CNTNAP5: variants seen among roughly 807,000 people sequenced by gnomAD.
CNTNAP5 encodes the protein contactin associated protein family member 5, also known as contactin-associated protein-like 5.
A neutral mutation model predicts 150.2 loss-of-function variants in CNTNAP5; 72 were observed. The ratio of observed to expected loss-of-function variants is 0.48; its 90% CI spans 0.40 to 0.58. CNTNAP5 has a LOEUF of 0.58. Among genes scored for constraint, CNTNAP5 ranks in the 20% least tolerant of loss-of-function variants. The probability of loss-of-function intolerance (pLI) is 0.00; values close to 1 mark genes in which losing one functional copy is unlikely to be tolerated. For synonymous variants in CNTNAP5, 672 were observed against 619.8 expected (o/e 1.08, Z -1.25); for missense variants, 1,636 against 1,626.2 (o/e 1.01, Z -0.10).
chr2:124,650,339 G>C (rs938411493), intron 13 of CNTNAP5, among the ~76,000 whole-genome samples: 1 of 152,186 alleles, frequency 6.6e-6, no homozygotes, highest in Admixed American at 6.5e-5. Flanking sequence ...TCCCGTAGAG[G>C]TGTGATTTAG....
At chr2:124,051,633 G>A (rs1283316306) in intron 1 of CNTNAP5, among the ~76,000 whole-genome samples, 1 of 152,194 alleles carries the variant, frequency 6.6e-6, no homozygotes, top group East Asian at 1.9e-4. Context: ...TGATGGTGGT[G>A]GTGGTGGGGG....
intron 1 of CNTNAP5, among the ~76,000 whole-genome samples, chr2:124,082,674 A>G (rs1291524649): frequency 6.6e-6 from 1 of 152,230 alleles, no homozygotes; most frequent in Non-Finnish European, 1.5e-5. Flanking sequence ...GTCAAGAAGT[A>G]CAATTGTTGG....
intron 22 of CNTNAP5, among the ~76,000 whole-genome samples, chr2:124,904,989 A>T (rs1228381198): frequency 6.7e-6 from 1 of 148,434 alleles, no homozygotes; most frequent in Non-Finnish European, 1.5e-5. Flanking sequence ...CATATGACTG[A>T]TGAAGGGTTA....
At position 124,630,949 on chromosome 2, in the gene CNTNAP5, A is replaced by C. The variant is rs1173554175; in HGVS notation, c.1877-16809A>C. ...CCAACAAAAGACAAGCAGAGAGTCA[A>C]ATCATGAATGAGCTCCCATTCACAA... is the stretch of plus-strand genomic sequence containing the variant. On this transcript the variant is annotated intron_variant, in intron 12 of 23. Transcript: ENST00000682447. Among the ~76,000 whole-genome samples the C allele has an allele frequency of 2.6e-5, 4 of 152,180 alleles. No individual in the cohort carries two copies. The East Asian group carries it at 5.8e-4, about 22-fold the overall frequency.
At position 124,082,076 on chromosome 2, in the gene CNTNAP5, G is replaced by A. The variant is rs926750747; in HGVS notation, c.82+56344G>A. ...TAAAAGGACTCACACAGGGCCAGGC[G>A]CAGTGGCTCATGCCTATAATCCCAG... is the stretch of plus-strand genomic sequence containing the variant. On this transcript the variant is annotated intron_variant, in intron 1 of 23. Transcript: ENST00000682447. Among the ~76,000 whole-genome samples, 4 of 152,208 alleles carry A rather than the reference G, an allele frequency of 2.6e-5. No individual in the cohort carries two copies. The East Asian group carries it at 5.8e-4, about 22-fold the overall frequency.
intron 10 of CNTNAP5, among the ~76,000 whole-genome samples, chr2:124,543,729 T>C (rs1464378949): frequency 3.3e-5 from 5 of 152,186 alleles, no homozygotes; most frequent in Non-Finnish European, 7.3e-5. Flanking sequence ...AACAACATTG[T>C]TATTCATTTG....
At chr2:124,622,999 AC>A (rs1677649968) in intron 12 of CNTNAP5, among the ~76,000 whole-genome samples, 1 of 152,194 alleles carries the variant, frequency 6.6e-6, no homozygotes, top group Non-Finnish European at 1.5e-5. Context: ...GCTAGTAAGT[AC>A]TAGAAACAGG....
chr2:124,479,389 T>C (rs926689951), intron 7 of CNTNAP5, among the ~76,000 whole-genome samples: 24 of 152,202 alleles, frequency 1.6e-4, no homozygotes, highest in African/African-American at 5.8e-4. Flanking sequence ...CATGATTCCC[T>C]GGGAGCTGGC....
intron 10 of CNTNAP5, among the ~76,000 whole-genome samples, chr2:124,559,948 A>AT (rs1421877141): frequency 2.0e-5 from 3 of 152,120 alleles, no homozygotes; most frequent in African/African-American, 4.8e-5. Flanking sequence ...GGAAAACTAG[A>AT]TTTTTCCTTG....
At chr2:124,660,468 T>A (rs2105044184) in intron 13 of CNTNAP5, among the ~76,000 whole-genome samples, 1 of 152,302 alleles carries the variant, frequency 6.6e-6, no homozygotes, top group African/African-American at 2.4e-5. Flanking sequence ...CAATTTAAAA[T>A]TTTCTAATAG....
chr2:124,089,671 A>G (rs1322826090), intron 1 of CNTNAP5, among the ~76,000 whole-genome samples: 5 of 152,252 alleles, frequency 3.3e-5, no homozygotes. Context: ...TTTGATTTAC[A>G]GATCTTGCTC....
intron 7 of CNTNAP5, among the ~76,000 whole-genome samples, chr2:124,496,067 C>G (rs1354923173): frequency 6.6e-6 from 1 of 152,138 alleles, no homozygotes; most frequent in African/African-American, 2.4e-5. Context: ...TGTCTCACTC[C>G]TTCACTGTAT....
At chr2:124,038,681 G>A (rs763904952) in intron 1 of CNTNAP5, among the ~76,000 whole-genome samples, 10 of 152,122 alleles carry the variant, frequency 6.6e-5, no homozygotes, top group Non-Finnish European at 1.0e-4. Flanking sequence ...TTACAAGAGC[G>A]GCTTTGAAGA....
At chr2:124,061,282 C>T (rs908696724) in intron 1 of CNTNAP5, among the ~76,000 whole-genome samples, 6 of 152,086 alleles carry the variant, frequency 3.9e-5, no homozygotes, top group African/African-American at 1.4e-4. Context: ...CTTGATCTAC[C>T]TTTTCTTTTT....
chr2:124,568,909 G>T (rs569038757), intron 11 of CNTNAP5, among the ~76,000 whole-genome samples: 2 of 152,264 alleles, frequency 1.3e-5, no homozygotes, highest in South Asian at 2.1e-4. Flanking sequence ...TTACCCTGGC[G>T]TGGCGGCGGA....
At chr2:124,760,528 A>T (rs1005908269) in intron 14 of CNTNAP5, among the ~76,000 whole-genome samples, 1 of 152,102 alleles carries the variant, frequency 6.6e-6, no homozygotes, top group African/African-American at 2.4e-5. Flanking sequence ...CTTAGAGAAG[A>T]CCACATTGAC....
chr2:124,366,330 T>C (rs776687000), intron 3 of CNTNAP5, among the ~76,000 whole-genome samples: 2 of 152,326 alleles, frequency 1.3e-5, no homozygotes, highest in East Asian at 3.9e-4. Flanking sequence ...CTGATATTGA[T>C]AGTCTTTCTC....
chr2:124,894,251 T>C (rs550661292), intron 21 of CNTNAP5, among the ~76,000 whole-genome samples: 1 of 147,582 alleles, frequency 6.8e-6, no homozygotes, highest in African/African-American at 2.7e-5. Context: ...GGCTTTTACA[T>C]TTTTTTGGTG....
intron 4 of CNTNAP5, among the ~76,000 whole-genome samples, chr2:124,419,153 A>AAAAAAAAAAAAAAAAAAAAAAAAAAAC (rs1553466545): frequency 9.2e-5 from 7 of 76,382 alleles, no homozygotes; most frequent in Admixed American, 1.6e-4. Context: ...AAAAAAAAAA[A>AAAAAAAAAAAAAAAAAAAAAAAAAAAC]AAAAAAAAAA....
Sources: gnomAD v4.1 joint callset for allele counts (sites outside exome capture counted in the v4.1 genomes callset) on GRCh38, gnomAD v4.1.1 for gene constraint, MANE v1.5 for transcripts, NCBI Gene and HGNC (gene_info 2026-07-23, HGNC 2026-07-21) for gene names.